Variants in SLC44A2 observed in about 807,000 individuals in gnomAD.
SLC44A2 encodes the protein choline transporter-like protein 2.
SLC44A2 carries 57 observed loss-of-function variants against 90.8 expected under a neutral mutation model. The observed-to-expected ratio is 0.63, with a 90% CI of 0.51 to 0.78. SLC44A2 has a LOEUF of 0.78. SLC44A2 is among the 30% of genes least tolerant of loss of function. SLC44A2 has a pLI of 0.00. For missense variants in SLC44A2, 794 were observed against 919.7 expected, an observed-to-expected ratio of 0.86 and a Z score of 1.77; for synonymous variants, 355 against 360.7, an observed-to-expected ratio of 0.98 and a Z score of 0.18.
intron 21 of SLC44A2, 137 bp downstream of exon 21, chr19:10,642,588 C>A: frequency 1.2e-6 from 1 of 845,060 alleles, no homozygotes; most frequent in East Asian, 2.6e-5. Context: ...CGTCCTGGGT[C>A]CCCAGCCTGT....
rs776469219 is a variant in SLC44A2 at position 10,626,307 on chromosome 19, A to AG, written c.86+7dup. 6.2e-7 allele frequency: 1 copy of AG among 1,608,676 alleles called. No homozygotes were observed. The highest frequency in any genetic ancestry group is 1.1e-5 in the South Asian group (1 of 90,976). On this transcript the variant is annotated splice_region_variant and intron_variant, in intron 2 of 21. Coordinates refer to ENST00000335757, the MANE Select transcript of SLC44A2 (RefSeq NM_020428.4). ...AAAGGACCCATTTACAATAGGTAAG[A>AG]GCTCTGGGTTTTGGGGGGTTCTCCC...
At chr19:10,640,083 A>AC (rs2067099004) in intron 20 of SLC44A2, among the ~76,000 whole-genome samples, 1 of 121,432 alleles carries the variant, frequency 8.2e-6, no homozygotes, top group Non-Finnish European at 1.6e-5. Flanking sequence ...AGGTCCACTG[A>AC]CTTTTTTTTT....
chr19:10,603,287 T>A (rs894667465), intron 1 of SLC44A2, among the ~76,000 whole-genome samples: 2 of 152,108 alleles, frequency 1.3e-5, no homozygotes, highest in East Asian at 3.9e-4. Flanking sequence ...ACCAGCGCCC[T>A]GTGGTGCCGC....
chr19:10,618,529 G>A lies in SLC44A2; in HGVS notation c.32-7724G>A, dbSNP rs184827402. On this transcript the variant is annotated intron_variant, in intron 1 of 21. Transcript: ENST00000407327. ...GAGTCGTGCTCTGTTGCCCAGGCTG[G>A]AGTGCAGTGGCGCCATCTCGGCTCA... 6.3e-3 allele frequency among the ~76,000 whole-genome samples: 867 copies of A among 136,786 alleles called. 1 individual carries two copies. Among genetic ancestry groups the A allele is most frequent in the Non-Finnish European group, 8.5e-3 (544 of 64,176 alleles). The allele number at this position is 136,786 out of a possible 152,430, so 89.7% of individuals were successfully genotyped here.
chr19:10,639,989 T>G (rs1315256447), intron 20 of SLC44A2, among the ~76,000 whole-genome samples: 1 of 151,740 alleles, frequency 6.6e-6, no homozygotes, highest in African/African-American at 2.4e-5. Flanking sequence ...TGAAGCCCAT[T>G]GACCTAGTTT....
chr19:10,643,196 G>A (rs760406494), intron 21 of SLC44A2, 83 bp from the exon 22 acceptor site: 539 of 1,511,892 alleles, frequency 3.6e-4, no homozygotes, highest in Non-Finnish European at 4.4e-4. Context: ...GCTTCTCTGT[G>A]ACCCTCATCC....
chr19:10,638,174 C>G lies in SLC44A2; in HGVS notation c.1841-53C>G, dbSNP rs76374006. ...TGATGAGTGTCATCTTCTTAGGAGG[C>G]TGTTTCCTATATCCAGAACCCTTCG... On this transcript the variant is annotated intron_variant, in intron 19 of 21. Transcript: ENST00000335757. 96,968 of 1,611,808 alleles carry G rather than the reference C, an allele frequency of 0.06. 3,480 individuals are homozygous for G. The highest frequency in any genetic ancestry group is 0.071 in the Non-Finnish European group (83,913 of 1,177,966).
In SLC44A2 at chr19:10,642,321, T is replaced by A. The variant is rs576500824; in HGVS notation, c.1930-46T>A. On this transcript the variant is annotated intron_variant, in intron 20 of 21. Transcript: ENST00000335757. Reference sequence around the variant, plus strand: ...GATGGACTCAGGGGGTGGGGGCTGCTCTGGGAAGGACACGGAGCAGGGACA... The same window carrying A: ...GATGGACTCAGGGGGTGGGGGCTGCACTGGGAAGGACACGGAGCAGGGACA... The A allele has an allele frequency of 3.9e-6, 6 of 1,556,106 alleles. No individual in the cohort carries two copies. In the South Asian group the frequency reaches 6.7e-5, roughly 17 times the overall value.
At position 10,637,718 on chromosome 19, in the gene SLC44A2, A is replaced by C. The variant is rs751010599; in HGVS notation, c.1666A>C (p.Lys556Gln). The change falls in exon 17 of 22, where the codon AAA becomes CAA. Residue 556 changes from lysine to glutamine, a missense_variant. Physicochemically the swap from Lys to Gln is moderately conservative, Grantham distance 53. Around this residue, in one of 3 missense-constraint regions of SLC44A2, gnomAD observed 738 missense variants for 841.1 expected, o/e 0.88. Transcript: ENST00000335757. ...CCFWCLEKFIKFLNRNAYIMI... is the reference protein window; with the variant it reads ...CCFWCLEKFIQFLNRNAYIMI... Reference sequence around the variant, plus strand: ...CTTCTGGTGCCTGGAGAAGTTCATCAAATTCCTTAATAGGAATGCCTACAT... The same window carrying C: ...CTTCTGGTGCCTGGAGAAGTTCATCCAATTCCTTAATAGGAATGCCTACAT... The C allele has an allele frequency of 1.2e-6, 2 of 1,614,110 alleles. No homozygotes were observed. The highest frequency in any genetic ancestry group is 2.2e-5 in the South Asian group (2 of 91,084).
At chr19:10,633,377 G>A (rs1009222057) in intron 10 of SLC44A2, among the ~76,000 whole-genome samples, 1 of 151,646 alleles carries the variant, frequency 6.6e-6, no homozygotes, top group African/African-American at 2.4e-5. Flanking sequence ...ATATTGGCCA[G>A]GCTGGTCTCG....
At chr19:10,626,642 A>C (rs2066937518) in intron 2 of SLC44A2, among the ~76,000 whole-genome samples, 1 of 149,494 alleles carries the variant, frequency 6.7e-6, no homozygotes, top group Non-Finnish European at 1.5e-5. Context: ...GCTGGTCTCG[A>C]CCTCGTGAGC....
chr19:10,642,250 T>A, intron 20 of SLC44A2, 117 bp from the exon 21 acceptor site: 1 of 803,362 alleles, frequency 1.2e-6, no homozygotes, highest in Non-Finnish European at 2.1e-6. Context: ...ATGTCACTAA[T>A]CCAAAGAGGG....
chr19:10,641,282 T>A, intron 20 of SLC44A2: 1 of 377,836 alleles, frequency 2.6e-6, no homozygotes, highest in South Asian at 1.9e-5. Context: ...TAGTCCCAGC[T>A]CCTTGTAAGC....
rs1049827444 is a variant in SLC44A2 at position 10,643,698 on chromosome 19, G to A, written c.*313G>A. The stretch of plus-strand genomic sequence containing the variant: ...AGCTCCCTCATGCTTCCTGTCCCCC[G>A]CTTACACGACAACGGGCCAGACCAC... On this transcript the variant is annotated 3_prime_UTR_variant, in exon 22 of 22. Coordinates refer to ENST00000335757, the MANE Select transcript of SLC44A2 (RefSeq NM_020428.4). 5 of 254,196 alleles carry A rather than the reference G, an allele frequency of 2.0e-5. No homozygotes were observed. The highest frequency in any genetic ancestry group is 1.1e-4 in the African/African-American group (5 of 44,132). The allele number at this position is 254,196 out of a possible 1,614,324, so 15.7% of individuals were successfully genotyped here.
intron 20 of SLC44A2, chr19:10,641,281 C>G (rs533650707): frequency 1.8e-4 from 68 of 378,518 alleles, no homozygotes; most frequent in South Asian, 1.2e-3. Context: ...GTAGTCCCAG[C>G]TCCTTGTAAG....
chr19:10,637,625 C>G lies in SLC44A2; in HGVS notation c.1592-19C>G. The G allele has an allele frequency of 6.2e-7, 1 of 1,610,576 alleles. No individual in the cohort carries two copies. Among genetic ancestry groups the G allele is most frequent in the East Asian group, 2.2e-5 (1 of 44,862 alleles). ...GGCTGGTGTCCCCTCACTTCCACAT[C>G]CCTTCCCTTCTCTTCCAGCTGCAGA... is the stretch of plus-strand genomic sequence containing the variant. On this transcript the variant is annotated intron_variant, in intron 16 of 21. Coordinates refer to ENST00000335757, the MANE Select transcript of SLC44A2 (RefSeq NM_020428.4).
intron 20 of SLC44A2, among the ~76,000 whole-genome samples, chr19:10,641,845 C>A (rs1377451229): frequency 1.3e-5 from 2 of 150,650 alleles, no homozygotes; most frequent in East Asian, 1.9e-4. Flanking sequence ...GACCGTGAGA[C>A]CCTGTCTCAA....
chr19:10,605,683 T>C (rs1055888420), intron 1 of SLC44A2, among the ~76,000 whole-genome samples: 12 of 147,600 alleles, frequency 8.1e-5, no homozygotes, highest in African/African-American at 3.0e-4. Flanking sequence ...TGAGACTCCG[T>C]CTCAAAAAAA....
chr19:10,640,445 G>A (rs1219189945), intron 20 of SLC44A2, among the ~76,000 whole-genome samples: 1 of 151,982 alleles, frequency 6.6e-6, no homozygotes, highest in East Asian at 1.9e-4. Flanking sequence ...CAGGTGTTGT[G>A]GCTCAGGCTC....
Sources: allele counts gnomAD v4.1 joint callset (sites outside exome capture counted in the v4.1 genomes callset), GRCh38; gene constraint gnomAD v4.1.1; regional missense constraint gnomAD v4.1.1; transcripts MANE v1.5; gene names NCBI Gene and HGNC (gene_info 2026-07-23, HGNC 2026-07-21).